The following CUL9 variants were observed in gnomAD, a reference collection of about 807,000 sequenced individuals.
CUL9 encodes cullin-9.
CUL9 carries 79 observed loss-of-function variants against 272.6 expected under a neutral mutation model. The observed-to-expected ratio is 0.29, with a 90% CI of 0.24 to 0.35. The LOEUF is 0.35. Ranked by LOEUF, CUL9 falls within the 10% of genes least tolerant of loss-of-function variation. CUL9 has a pLI of 1.00. For synonymous variants in CUL9, 1,186 were observed against 1,286.5 expected (o/e 0.92, Z 1.67); for missense variants, 2,532 against 3,255.6 (o/e 0.78, Z 5.41).
intron 11 of CUL9, among the ~76,000 whole-genome samples, chr6:43,197,110 G>A (rs1774067297): frequency 6.6e-6 from 1 of 151,886 alleles, no homozygotes. Flanking sequence ...GCAGTGGCAC[G>A]ATCTCGACTC....
chr6:43,200,845 A>G lies in CUL9; in HGVS notation c.3647+11A>G, dbSNP rs1297057535. ...TGGTGTTCTTGTTAGGTGTGAACAC[A>G]CATATATGAATGTTCTGCTGTGCCC... On this transcript the variant is annotated intron_variant, in intron 16 of 40. Transcript: ENST00000252050. The surrounding 1 kb of genome is among the most constrained non-coding windows in gnomAD (Gnocchi z 4.0). The G allele has an allele frequency of 6.2e-7, 1 of 1,613,912 alleles. No individual in the cohort carries two copies. The highest frequency in any genetic ancestry group is 8.5e-7 in the Non-Finnish European group (1 of 1,179,792).
chr6:43,224,366 A>G lies in CUL9; in HGVS notation c.7475A>G (p.Tyr2492Cys). 1 of 1,614,250 alleles carries G rather than the reference A, an allele frequency of 6.2e-7. No homozygotes were observed. The highest frequency in any genetic ancestry group is 8.5e-7 in the Non-Finnish European group (1 of 1,180,044). The change falls in exon 41 of 41, where the codon TAC (tyrosine) becomes TGC (cysteine). Residue 2492 changes from tyrosine to cysteine, a missense_variant. By Grantham distance (194) the Tyr-to-Cys change is radical (BLOSUM62 -2). Around this residue, in one of 3 missense-constraint regions of CUL9, gnomAD observed 237 missense variants for 305.9 expected, o/e 0.77. Coordinates refer to ENST00000252050, the MANE Select transcript of CUL9 (RefSeq NM_015089.4). The surrounding 1 kb of genome is among the most constrained non-coding windows in gnomAD (Gnocchi z 4.2). ...DEELDNDSFS[Y>C]DESENLDQET... Reference sequence around the variant, plus strand: ...GAGCTGGACAATGACAGCTTCTCCTACGATGAGTCTGAGAACCTGGACCAA... The same window carrying G: ...GAGCTGGACAATGACAGCTTCTCCTGCGATGAGTCTGAGAACCTGGACCAA...
intron 6 of CUL9, 65 bp downstream of exon 6, chr6:43,187,504 AG>A: frequency 6.6e-7 from 1 of 1,521,266 alleles, no homozygotes; most frequent in Non-Finnish European, 9.0e-7. Flanking sequence ...CTCTAGAGGG[AG>A]TTTCAGATAG....
chr6:43,189,030 T>A (rs1479920333), intron 8 of CUL9: 1 of 212,230 alleles, frequency 4.7e-6, no homozygotes, highest in Non-Finnish European at 9.3e-6. Flanking sequence ...TTAAGTAACT[T>A]GCTTAGAGTT....
rs764290912 is a variant in CUL9 at position 43,203,534 on chromosome 6, C to A, written c.3967C>A (p.Gln1323Lys). The change falls in exon 19 of 41, where the codon CAA becomes AAA. Residue 1323 changes from glutamine (Q) to lysine (K), a missense_variant. Coordinates refer to ENST00000252050, the MANE Select transcript of CUL9 (RefSeq NM_015089.4). This position sits in a 1 kb window ranked among gnomAD's most constrained non-coding sequence, Gnocchi z 5.0. ...RTCLFYTIRA[Q>K]AWSRDIAEDH... ...ATGTCTCTTCTACACAATTCGGGCA[C>A]AAGCCTGGAGCCGGGACATAGCAGA... 2 of 1,613,992 alleles carry A rather than the reference C, an allele frequency of 1.2e-6. No individual in the cohort carries two copies. Among genetic ancestry groups the A allele is most frequent in the African/African-American group, 2.7e-5 (2 of 74,908 alleles).
At chr6:43,186,524 AAGG>A in intron 4 of CUL9, 69 bp downstream of exon 4, 1 of 1,526,708 alleles carries the variant, frequency 6.6e-7, no homozygotes, top group Non-Finnish European at 8.8e-7. Flanking sequence ...GGGACTTCAT[AAGG>A]AGGACTCCTG....
intron 10 of CUL9, 82 bp from the exon 11 acceptor site, chr6:43,196,563 G>A (rs1461050117): frequency 7.8e-7 from 1 of 1,274,996 alleles, no homozygotes; most frequent in Admixed American, 1.7e-5. Context: ...CTCCCTAGCT[G>A]CCCGGCCTTC....
intron 4 of CUL9, 129 bp downstream of exon 4, chr6:43,186,584 G>T: frequency 2.2e-6 from 3 of 1,350,786 alleles, no homozygotes; most frequent in Non-Finnish European, 3.0e-6. Context: ...ATGATACAAG[G>T]GGGTTGGCAT....
rs754590575 is a variant in CUL9, at chr6:43,187,752, G to A, written c.1621G>A (p.Val541Met). ...EKALGEISVS[V>M]EMAESLLQVL... ...GGCCCTAGGTGAGATCTCTGTGTCC[G>A]TGGAAATGGCCGAGAGTCTGCTGCA... is the stretch of plus-strand genomic sequence containing the variant. The change falls in exon 7 of 41, where the codon GTG (valine) becomes ATG (methionine). Residue 541 changes from valine to methionine, a missense_variant. Physicochemically the swap from Val to Met is conservative, Grantham distance 21. This residue lies in a region of CUL9 where 2,218 missense variants were observed against 2,788.6 expected (regional missense o/e 0.80). Coordinates refer to ENST00000252050, the MANE Select transcript of CUL9 (RefSeq NM_015089.4). 1.9e-5 allele frequency: 31 copies of A among 1,613,308 alleles called. No individual in the cohort carries two copies. In the Admixed American group the frequency reaches 3.0e-4, roughly 16 times the overall value.
chr6:43,202,848 C>T lies in CUL9; in HGVS notation c.3753+27C>T, dbSNP rs1201174596. On this transcript the variant is annotated intron_variant, in intron 17 of 40. Transcript: ENST00000252050. ...TGGGGACCCTTGTGCCCACCTTCACCTTGCTCCACATCCTTCTTTTTGTCC... is the reference window on the plus strand; with the variant it reads ...TGGGGACCCTTGTGCCCACCTTCACTTTGCTCCACATCCTTCTTTTTGTCC... The T allele has an allele frequency of 4.4e-6, 7 of 1,596,542 alleles. No individual in the cohort carries two copies. The African/African-American group carries it at 9.4e-5, about 21-fold the overall frequency.
At position 43,220,509 on chromosome 6, in the gene CUL9, G is replaced by A. The variant is rs983427093; in HGVS notation, c.6333G>A (p.Leu2111=). 2.4e-5 allele frequency: 38 copies of A among 1,613,998 alleles called. No individual in the cohort carries two copies. In the Admixed American group the frequency reaches 5.2e-4, roughly 22 times the overall value. The change falls in exon 32 of 41, where the codon TTG becomes TTA. Residue 2111 remains leucine, a synonymous_variant. Transcript: ENST00000252050. This position sits in a 1 kb window ranked among gnomAD's most constrained non-coding sequence, Gnocchi z 4.9. ...CTCGGATCGAGCAGAACCTTGTTTT[G>A]AATTGCACCTGCCCCATTGCCGACT... ...LTTRIEQNLV[L]NCTCPIADCP...
rs1390414201 is a variant in CUL9, at chr6:43,200,790, C to T, written c.3603C>T (p.Gly1201=). ...KTYWESNGST[G]SHYITLHMHR... ...ACTGGGAGTCCAACGGCAGCACCGG[C>T]TCCCACTACATCACCCTGCACATGC... The change falls in exon 16 of 41, where the codon GGC becomes GGT. Residue 1201 remains glycine, a synonymous_variant. Coordinates refer to ENST00000252050, the MANE Select transcript of CUL9 (RefSeq NM_015089.4). This position sits in a 1 kb window ranked among gnomAD's most constrained non-coding sequence, Gnocchi z 4.0. 4 of 1,614,234 alleles carry T rather than the reference C, an allele frequency of 2.5e-6. No individual in the cohort carries two copies. The African/African-American group carries it at 4.0e-5, about 16-fold the overall frequency.
In CUL9 at chr6:43,196,851, C is replaced by G; in HGVS notation, c.2792C>G (p.Pro931Arg). The change falls in exon 11 of 41, where the codon CCT (proline) becomes CGT (arginine). Residue 931 changes from proline to arginine, a missense_variant. By Grantham distance (103) the Pro-to-Arg change is moderately radical (BLOSUM62 -2). Around this residue, in one of 3 missense-constraint regions of CUL9, gnomAD observed 2,218 missense variants for 2,788.6 expected, o/e 0.80. Transcript: ENST00000252050. ...LNRYSEPPGS[P>R]ERAALETPII... ...CGCTACTCAGAGCCGCCGGGCAGCC[C>G]TGAGCGTGCAGGTACCATTGTGGAG... 3 of 1,614,030 alleles carry G rather than the reference C, an allele frequency of 1.9e-6. No individual in the cohort carries two copies. The highest frequency in any genetic ancestry group is 2.5e-6 in the Non-Finnish European group (3 of 1,179,998).
In CUL9 at chr6:43,206,937, C is replaced by T. The variant is rs1451535327; in HGVS notation, c.5212+427C>T. On this transcript the variant is annotated intron_variant, in intron 26 of 40. Coordinates refer to ENST00000252050, the MANE Select transcript of CUL9 (RefSeq NM_015089.4). The surrounding 1 kb of genome is among the most constrained non-coding windows in gnomAD (Gnocchi z 4.8). ...TCTGCTCACTGCAGCCTCTACCTCC[C>T]GGGTTCAAGCGATTCTCCTGTCTCA... Among the ~76,000 whole-genome samples, 7 of 152,060 alleles carry T rather than the reference C, an allele frequency of 4.6e-5. No homozygotes were observed. The highest frequency in any genetic ancestry group is 9.7e-5 in the African/African-American group (4 of 41,390).
At chr6:43,183,736 T>C (rs867478565) in intron 1 of CUL9, among the ~76,000 whole-genome samples, 1 of 144,334 alleles carries the variant, frequency 6.9e-6, no homozygotes, top group Non-Finnish European at 1.5e-5. Flanking sequence ...CTTCCTTCCT[T>C]CCTCTCTCTC....
In CUL9 at chr6:43,184,944, A is replaced by G. The variant is rs1772773997; in HGVS notation, c.595+39A>G. 6.8e-7 allele frequency: 1 copy of G among 1,467,226 alleles called. No individual in the cohort carries two copies. The highest frequency in any genetic ancestry group is 1.4e-5 in the African/African-American group (1 of 71,532). 90.9% of individuals were successfully genotyped at this position (1,467,226 alleles called of 1,614,324 possible). ...AGGGAAGAAGGAAAGGAATGGAGAA[A>G]ATGGGGCCACAGGGAATAAGAAAGA... On this transcript the variant is annotated intron_variant, in intron 2 of 40. Coordinates refer to ENST00000252050, the MANE Select transcript of CUL9 (RefSeq NM_015089.4). This position sits in a 1 kb window ranked among gnomAD's most constrained non-coding sequence, Gnocchi z 4.8.
intron 7 of CUL9, 195 bp downstream of exon 7, chr6:43,188,313 A>G (rs769799668): frequency 2.5e-5 from 20 of 795,570 alleles, no homozygotes; most frequent in Non-Finnish European, 3.5e-5. Context: ...TTCCTTCAGT[A>G]TCTCTGGAAA....
chr6:43,194,985 C>T (rs903306299), intron 9 of CUL9, among the ~76,000 whole-genome samples: 4 of 151,984 alleles, frequency 2.6e-5, no homozygotes, highest in Non-Finnish European at 5.9e-5. Flanking sequence ...AACCCAGGAG[C>T]GGGAGGTTGC....
chr6:43,183,414 T>G (rs1772599844), intron 1 of CUL9, among the ~76,000 whole-genome samples: 1 of 152,158 alleles, frequency 6.6e-6, no homozygotes. Context: ...ATCTCCATTC[T>G]CTATATCTGC....
Sources: gnomAD v4.1 joint callset for allele counts (sites outside exome capture counted in the v4.1 genomes callset) on GRCh38, gnomAD v4.1.1 for gene constraint, gnomAD v4.1.1 regional missense constraint, Gnocchi (gnomAD v3.1) non-coding constraint, MANE v1.5 for transcripts, NCBI Gene and HGNC (gene_info 2026-07-23, HGNC 2026-07-21) for gene names.